Variants in ATP8A2 observed in about 807,000 individuals in gnomAD.
The protein encoded by ATP8A2 is phospholipid-transporting ATPase IB.
ATP8A2 carries 100 observed loss-of-function variants against 165.6 expected under a neutral mutation model. That is an observed-to-expected ratio of 0.60 (90% CI 0.51 to 0.71). The LOEUF is 0.71. Among genes scored for constraint, ATP8A2 ranks in the 30% least tolerant of loss-of-function variants. The probability of loss-of-function intolerance (pLI) is 0.00; values close to 1 mark genes in which losing one functional copy is unlikely to be tolerated. For synonymous variants in ATP8A2, 543 were observed against 548.8 expected (o/e 0.99, Z 0.15); for missense variants, 1,227 against 1,479.5 (o/e 0.83, Z 2.80).
At chr13:25,735,728 C>T (rs1043405419) in intron 25 of ATP8A2, among the ~76,000 whole-genome samples, 3 of 152,140 alleles carry the variant, frequency 2.0e-5, no homozygotes, top group African/African-American at 4.8e-5. Flanking sequence ...TGGTCCCATA[C>T]GATTATAATG....
chr13:25,543,041 A>G (rs141896720), intron 9 of ATP8A2, among the ~76,000 whole-genome samples: 1,794 of 152,302 alleles, frequency 0.012, 29 homozygotes, highest in South Asian at 0.047. Context: ...CATGAGAGAT[A>G]TAATTACCTG....
At chr13:25,436,817 C>T (rs1216730396) in intron 1 of ATP8A2, among the ~76,000 whole-genome samples, 1 of 151,276 alleles carries the variant, frequency 6.6e-6, no homozygotes, top group Non-Finnish European at 1.5e-5. Flanking sequence ...ACTCTGTCAC[C>T]TAGGCTGGAG....
At chr13:25,604,526 A>G (rs1328330739) in intron 24 of ATP8A2, among the ~76,000 whole-genome samples, 1 of 152,210 alleles carries the variant, frequency 6.6e-6, no homozygotes, top group African/African-American at 2.4e-5. Flanking sequence ...ATTTTTCCAA[A>G]ATGTGTAGTA....
intron 24 of ATP8A2, among the ~76,000 whole-genome samples, chr13:25,608,612 G>A (rs113145619): frequency 2.6e-5 from 4 of 152,288 alleles, no homozygotes; most frequent in African/African-American, 9.6e-5. Flanking sequence ...GGCTTTGTGT[G>A]CCATATGCTG....
intron 1 of ATP8A2, among the ~76,000 whole-genome samples, chr13:25,414,493 G>A (rs1265491807): frequency 6.6e-6 from 1 of 151,980 alleles, no homozygotes; most frequent in Non-Finnish European, 1.5e-5. Flanking sequence ...TGCCCAGCTG[G>A]GCTGTGTTTC....
intron 27 of ATP8A2, among the ~76,000 whole-genome samples, chr13:25,798,979 C>A (rs996586329): frequency 2.0e-5 from 3 of 151,564 alleles, no homozygotes; most frequent in African/African-American, 4.9e-5. Context: ...CATAGTGAGA[C>A]CCCCATCTCT....
intron 2 of ATP8A2, among the ~76,000 whole-genome samples, chr13:25,475,639 T>TGTGTAA (rs1332515945): frequency 2.6e-5 from 4 of 152,214 alleles, no homozygotes; most frequent in Non-Finnish European, 4.4e-5. Flanking sequence ...TCACCAACAG[T>TGTGTAA]GTGTAAGTGT....
At chr13:25,927,017 C>G (rs1203949714) in intron 33 of ATP8A2, 1 of 410,628 alleles carries the variant, frequency 2.4e-6, no homozygotes. Context: ...GCCTCCCGCT[C>G]CTTCTCCTTG....
intron 2 of ATP8A2, among the ~76,000 whole-genome samples, chr13:25,512,042 G>C (rs1237396896): frequency 6.6e-6 from 1 of 151,920 alleles, no homozygotes; most frequent in African/African-American, 2.4e-5. Flanking sequence ...GCCTTCCGCA[G>C]TGTTTGTGTC....
intron 25 of ATP8A2, among the ~76,000 whole-genome samples, chr13:25,718,220 G>A (rs936593893): frequency 4.4e-5 from 4 of 91,884 alleles, no homozygotes; most frequent in Non-Finnish European, 7.8e-5. Flanking sequence ...TTATTTTGTC[G>A]TAATAAAATA....
At chr13:25,855,256 A>G (rs1952126511) in intron 30 of ATP8A2, among the ~76,000 whole-genome samples, 1 of 151,892 alleles carries the variant, frequency 6.6e-6, no homozygotes, top group Non-Finnish European at 1.5e-5. Flanking sequence ...ATCTCAAAAA[A>G]AAAAAAAAAA....
chr13:25,801,870 T>C (rs957395641), intron 27 of ATP8A2, among the ~76,000 whole-genome samples: 2 of 152,030 alleles, frequency 1.3e-5, no homozygotes, highest in Non-Finnish European at 2.9e-5. Flanking sequence ...CATGTCCTTC[T>C]TCACATGGCA....
At chr13:25,874,350 G>A (rs1728577186) in intron 33 of ATP8A2, among the ~76,000 whole-genome samples, 1 of 152,178 alleles carries the variant, frequency 6.6e-6, no homozygotes, top group African/African-American at 2.4e-5. Context: ...CTTACACGAT[G>A]TTTAGATCTC....
At chr13:25,996,400 G>C (rs570188620) in intron 35 of ATP8A2, among the ~76,000 whole-genome samples, 2 of 152,244 alleles carry the variant, frequency 1.3e-5, no homozygotes, top group South Asian at 4.2e-4. Flanking sequence ...ACATAATTTG[G>C]AGAAATCAAG....
intron 27 of ATP8A2, among the ~76,000 whole-genome samples, chr13:25,795,881 AT>A: frequency 6.6e-6 from 1 of 151,894 alleles, no homozygotes; most frequent in South Asian, 2.1e-4. Context: ...TGGTGACAGC[AT>A]TTTTTTACAT....
At chr13:26,009,202 T>C (rs1245676376) in intron 35 of ATP8A2, among the ~76,000 whole-genome samples, 1 of 152,214 alleles carries the variant, frequency 6.6e-6, no homozygotes, top group Non-Finnish European at 1.5e-5. Context: ...AGAGTACCAG[T>C]GGAGACCTTG....
intron 27 of ATP8A2, among the ~76,000 whole-genome samples, chr13:25,788,912 A>C (rs542313200): frequency 5.9e-5 from 9 of 152,298 alleles, no homozygotes; most frequent in African/African-American, 2.2e-4. Context: ...AGATTTCATT[A>C]ATTAGCCTAG....
At chr13:25,825,568 G>C (rs539166839) in intron 27 of ATP8A2, among the ~76,000 whole-genome samples, 3 of 152,186 alleles carry the variant, frequency 2.0e-5, no homozygotes, top group Non-Finnish European at 4.4e-5. Context: ...TTGGTCAATT[G>C]TTTGAATAGG....
chr13:25,680,335 C>T (rs1566040990), intron 24 of ATP8A2, among the ~76,000 whole-genome samples: 1 of 152,164 alleles, frequency 6.6e-6, no homozygotes, highest in African/African-American at 2.4e-5. Context: ...TGGAAGTTAG[C>T]TGCAGCTGTG....
Sources: allele counts gnomAD v4.1 joint callset (sites outside exome capture counted in the v4.1 genomes callset), GRCh38; gene constraint gnomAD v4.1.1; transcripts MANE v1.5; gene names NCBI Gene and HGNC (gene_info 2026-07-23, HGNC 2026-07-21).